Variants in AGBL4 observed in about 807,000 individuals in gnomAD.
AGBL4 encodes the protein AGBL carboxypeptidase 4.
A neutral mutation model predicts 66.4 loss-of-function variants in AGBL4; 58 were observed. The observed-to-expected ratio is 0.87, with a 90% CI of 0.71 to 1.09. AGBL4 has a LOEUF of 1.09. Among genes scored for constraint, AGBL4 ranks in the 50% least tolerant of loss-of-function variants. The pLI is 0.00. For synonymous variants in AGBL4, 234 were observed against 222.9 expected, an observed-to-expected ratio of 1.05 and a Z score of -0.44; for missense variants, 579 against 631.0, an observed-to-expected ratio of 0.92 and a Z score of 0.88.
At chr1:48,914,566 T>C (rs1286227059) in intron 5 of AGBL4, among the ~76,000 whole-genome samples, 2 of 152,228 alleles carry the variant, frequency 1.3e-5, no homozygotes, top group Non-Finnish European at 2.9e-5. Context: ...TTACCAAAGC[T>C]GATGTGAAGG....
intron 3 of AGBL4, among the ~76,000 whole-genome samples, chr1:49,307,959 G>A (rs1426325867): frequency 1.3e-5 from 2 of 152,132 alleles, no homozygotes; most frequent in African/African-American, 4.8e-5. Context: ...GTGGGGCCCG[G>A]TGGGAGGTGA....
At chr1:49,186,617 C>G (rs1291639636) in intron 4 of AGBL4, among the ~76,000 whole-genome samples, 2 of 152,126 alleles carry the variant, frequency 1.3e-5, no homozygotes, top group Non-Finnish European at 2.9e-5. Flanking sequence ...TGTACACAAA[C>G]AGCTGTCAAA....
intron 8 of AGBL4, among the ~76,000 whole-genome samples, chr1:48,645,437 G>C (rs1208380344): frequency 6.6e-6 from 1 of 152,178 alleles, no homozygotes; most frequent in Non-Finnish European, 1.5e-5. Flanking sequence ...AGATGGGGGA[G>C]TTGCAGCTTA....
chr1:48,985,421 G>A (rs1384233959), intron 5 of AGBL4, among the ~76,000 whole-genome samples: 1 of 152,046 alleles, frequency 6.6e-6, no homozygotes, highest in African/African-American at 2.4e-5. Flanking sequence ...CAAGTATGTG[G>A]AAAAACTGCA....
chr1:49,704,066 G>A (rs1647154204), intron 2 of AGBL4, among the ~76,000 whole-genome samples: 1 of 152,026 alleles, frequency 6.6e-6, no homozygotes, highest in Admixed American at 6.6e-5. Context: ...ATATTATCGA[G>A]AGAATTTGAA....
At chr1:48,594,050 G>C (rs1028112728) in intron 9 of AGBL4, among the ~76,000 whole-genome samples, 2 of 152,174 alleles carry the variant, frequency 1.3e-5, no homozygotes, top group East Asian at 3.9e-4. Flanking sequence ...TTGCAGCCGG[G>C]CATGGTGGCT....
intron 6 of AGBL4, among the ~76,000 whole-genome samples, chr1:48,720,965 T>A (rs1170493869): frequency 9.3e-5 from 14 of 150,684 alleles, no homozygotes; most frequent in Admixed American, 9.3e-4. Flanking sequence ...GAGGATAGTT[T>A]TTTTTTTTTT....
intron 3 of AGBL4, among the ~76,000 whole-genome samples, chr1:49,286,464 C>T (rs1271582867): frequency 6.6e-6 from 1 of 152,156 alleles, no homozygotes; most frequent in Admixed American, 6.5e-5. Flanking sequence ...TAGAAAACCC[C>T]ATTGGCTCAG....
chr1:48,747,686 C>A (rs925041933), intron 6 of AGBL4, among the ~76,000 whole-genome samples: 1 of 152,190 alleles, frequency 6.6e-6, no homozygotes, highest in South Asian at 2.1e-4. Flanking sequence ...CACACAGTTA[C>A]GGTCTTTGTA....
chr1:49,439,117 G>T (rs1386367026), intron 3 of AGBL4, among the ~76,000 whole-genome samples: 2 of 152,234 alleles, frequency 1.3e-5, no homozygotes, highest in Non-Finnish European at 2.9e-5. Context: ...TGATGAGCAT[G>T]CTGGAAGACT....
At chr1:49,567,266 C>T (rs372700710) in intron 3 of AGBL4, among the ~76,000 whole-genome samples, 5 of 152,202 alleles carry the variant, frequency 3.3e-5, no homozygotes, top group Non-Finnish European at 5.9e-5. Context: ...GGTGATGCCT[C>T]GCCCTGCTTT....
chr1:49,157,097 T>A (rs1487019161), intron 4 of AGBL4, among the ~76,000 whole-genome samples: 1 of 152,156 alleles, frequency 6.6e-6, no homozygotes, highest in Non-Finnish European at 1.5e-5. Context: ...TATTTTTTTT[T>A]ATTATACTTT....
At chr1:48,804,540 C>G (rs11205543) in intron 6 of AGBL4, among the ~76,000 whole-genome samples, 123,884 of 151,762 alleles carry the variant, frequency 0.82, 53,331 homozygotes, top group Non-Finnish European at 0.96. Flanking sequence ...CTCTCTCCCC[C>G]AACACTGACC....
chr1:48,677,368 G>T (rs1283899312), intron 6 of AGBL4, among the ~76,000 whole-genome samples: 1 of 152,090 alleles, frequency 6.6e-6, no homozygotes, highest in East Asian at 1.9e-4. Flanking sequence ...TGAAGGAAGA[G>T]GATTAACATA....
chr1:49,538,281 A>C (rs914826944), intron 3 of AGBL4, among the ~76,000 whole-genome samples: 1 of 152,226 alleles, frequency 6.6e-6, no homozygotes, highest in Non-Finnish European at 1.5e-5. Flanking sequence ...AAAGGAATGA[A>C]ATCATGTCTT....
chr1:48,874,795 G>A (rs564814772), intron 5 of AGBL4, among the ~76,000 whole-genome samples: 4 of 152,154 alleles, frequency 2.6e-5, no homozygotes, highest in South Asian at 2.1e-4. Flanking sequence ...AGAGATCATC[G>A]AAATTTGGGA....
At chr1:48,725,360 T>C (rs1647218913) in intron 6 of AGBL4, among the ~76,000 whole-genome samples, 1 of 152,234 alleles carries the variant, frequency 6.6e-6, no homozygotes, top group Admixed American at 6.5e-5. Flanking sequence ...TTTAAGCACC[T>C]CAGCCAATTC....
intron 4 of AGBL4, among the ~76,000 whole-genome samples, chr1:49,205,428 A>G (rs1648054925): frequency 6.6e-6 from 1 of 152,052 alleles, no homozygotes; most frequent in South Asian, 2.1e-4. Flanking sequence ...TGTAGAAACT[A>G]AGTGTATGCC....
intron 4 of AGBL4, among the ~76,000 whole-genome samples, chr1:49,056,175 T>C (rs1425874819): frequency 2.6e-5 from 4 of 152,048 alleles, no homozygotes; most frequent in Non-Finnish European, 5.9e-5. Flanking sequence ...GTTTTATTTG[T>C]CAATACAAAA....
Sources: gnomAD v4.1 joint callset for allele counts (sites outside exome capture counted in the v4.1 genomes callset) on GRCh38, gnomAD v4.1.1 for gene constraint, MANE v1.5 for transcripts, NCBI Gene and HGNC (gene_info 2026-07-23, HGNC 2026-07-21) for gene names.